Variants in DPF3 observed in about 807,000 individuals in gnomAD.
The protein encoded by DPF3 is zinc finger protein DPF3.
DPF3 carries 18 observed loss-of-function variants against 56.8 expected under a neutral mutation model. The observed-to-expected ratio is 0.32, with a 90% CI of 0.22 to 0.47. The LOEUF (loss-of-function observed/expected upper bound fraction) is 0.47. Among genes scored for constraint, DPF3 ranks in the 20% least tolerant of loss-of-function variants. The probability of loss-of-function intolerance (pLI) is 1.00; values close to 1 mark genes in which losing one functional copy is unlikely to be tolerated. For synonymous variants in DPF3, 188 were observed against 180.2 expected (o/e 1.04, Z -0.35); for missense variants, 403 against 488.8 (o/e 0.82, Z 1.65).
At chr14:72,755,734 T>C (rs1206803915) in intron 2 of DPF3, among the ~76,000 whole-genome samples, 1 of 152,188 alleles carries the variant, frequency 6.6e-6, no homozygotes, top group Admixed American at 6.5e-5. Flanking sequence ...TCTTTAGCCA[T>C]GAAGGTGGAA....
rs1884223080 is a variant in DPF3 at position 72,618,478 on chromosome 14, A to G, written c.*819T>C. Among the ~76,000 whole-genome samples the G allele has an allele frequency of 1.3e-5, 2 of 152,316 alleles. No homozygotes were observed. The highest frequency in any genetic ancestry group is 4.1e-4 in the South Asian group (2 of 4,822). On this transcript the variant is annotated 3_prime_UTR_variant, in exon 11 of 11. Transcript: ENST00000556509. ...GAGGCTTGACCGTCTTCCTCTGTCC[A>G]TAGGCCATGACTGGTCTCACCTAAA...
intron 1 of DPF3, among the ~76,000 whole-genome samples, chr14:72,800,186 A>C (rs1258931536): frequency 1.3e-5 from 2 of 152,186 alleles, no homozygotes; most frequent in African/African-American, 4.8e-5. Context: ...AGGATGGTTC[A>C]CTGTGGCTGT....
intron 1 of DPF3, among the ~76,000 whole-genome samples, chr14:72,869,856 C>A (rs1366062461): frequency 1.3e-5 from 2 of 152,112 alleles, no homozygotes; most frequent in Non-Finnish European, 2.9e-5. Context: ...AACAGGCATA[C>A]CCATGTTATC....
Position 72,611,341 on chromosome 14 carries a change from C to T in DPF3, c.*7956G>A, listed in dbSNP as rs537959546. Among the ~76,000 whole-genome samples, 3 of 152,326 alleles carry T rather than the reference C, an allele frequency of 2.0e-5. No individual in the cohort carries two copies. The South Asian group carries it at 6.2e-4, about 32-fold the overall frequency. On this transcript the variant is annotated 3_prime_UTR_variant, in exon 11 of 11. Coordinates refer to ENST00000556509, the MANE Select transcript of DPF3 (RefSeq NM_001280542.3). ...AAACAACTGAGAGTCTAAGCCAGCACGAAGCTAGGATCTGACAAGCACCTG... is the reference window on the plus strand; with the variant it reads ...AAACAACTGAGAGTCTAAGCCAGCATGAAGCTAGGATCTGACAAGCACCTG...
At chr14:72,776,827 C>T (rs1891759702) in intron 1 of DPF3, among the ~76,000 whole-genome samples, 1 of 151,780 alleles carries the variant, frequency 6.6e-6, no homozygotes, top group African/African-American at 2.4e-5. Flanking sequence ...CTGCCAGAAG[C>T]CTGCTCCCGC....
intron 3 of DPF3, among the ~76,000 whole-genome samples, chr14:72,744,610 A>G (rs149679041): frequency 8.5e-5 from 13 of 152,200 alleles, no homozygotes; most frequent in African/African-American, 3.1e-4. Flanking sequence ...ACAGCCCTCA[A>G]GATTCTTGAA....
chr14:72,640,573 G>C (rs1006137161), intron 8 of DPF3, among the ~76,000 whole-genome samples: 2 of 152,208 alleles, frequency 1.3e-5, no homozygotes, highest in Non-Finnish European at 2.9e-5. Flanking sequence ...GGAAACATTT[G>C]AGAGGTAGAA....
chr14:72,735,030 T>A (rs1889832063), intron 3 of DPF3, among the ~76,000 whole-genome samples: 1 of 152,162 alleles, frequency 6.6e-6, no homozygotes. Context: ...ACTTGCTTGA[T>A]ATCACACAGC....
intron 8 of DPF3, 102 bp from the exon 9 acceptor site, chr14:72,629,838 C>G: frequency 2.0e-6 from 2 of 989,882 alleles, no homozygotes; most frequent in South Asian, 2.8e-5. Context: ...GCAGGCAGGG[C>G]AGGGTAGCAT....
chr14:72,781,651 C>T (rs918494541), intron 1 of DPF3, among the ~76,000 whole-genome samples: 4 of 140,952 alleles, frequency 2.8e-5, no homozygotes, highest in African/African-American at 1.1e-4. Flanking sequence ...AAGGAGCTGC[C>T]AAGGACAAGA....
chr14:72,864,617 C>A (rs904677624), intron 1 of DPF3, among the ~76,000 whole-genome samples: 21 of 152,376 alleles, frequency 1.4e-4, no homozygotes, highest in Admixed American at 9.8e-4. Flanking sequence ...GAGCTTTCAG[C>A]TCTCTACCCC....
chr14:72,722,588 C>G (rs1889220555), intron 5 of DPF3, among the ~76,000 whole-genome samples: 1 of 152,172 alleles, frequency 6.6e-6, no homozygotes. Context: ...TGGCAGCAAA[C>G]CCACAGAATG....
chr14:72,700,894 C>G (rs774665215), intron 6 of DPF3, among the ~76,000 whole-genome samples: 1 of 152,230 alleles, frequency 6.6e-6, no homozygotes, highest in Non-Finnish European at 1.5e-5. Context: ...CTCAGCTGCT[C>G]TCATCACCAC....
chr14:72,612,329 A>G lies in DPF3; in HGVS notation c.*6968T>C, dbSNP rs992590924. On this transcript the variant is annotated 3_prime_UTR_variant, in exon 11 of 11. Coordinates refer to ENST00000556509, the MANE Select transcript of DPF3 (RefSeq NM_001280542.3). ...TGAGCCAGGGACGCCCTGCCTACCT[A>G]CCCCGCCTCTCTCCAGCCACCTGCT... The G allele has an allele frequency of 1.2e-5, 5 of 430,930 alleles. No individual in the cohort carries two copies. The East Asian group carries it at 2.8e-4, about 25-fold the overall frequency. The allele number at this position is 430,930 out of a possible 1,614,324, so 26.7% of individuals were successfully genotyped here.
At position 72,846,498 on chromosome 14, in the gene DPF3, G is replaced by A. The variant is rs571233846; in HGVS notation, c.32+47559C>T. Among the ~76,000 whole-genome samples the A allele has an allele frequency of 6.6e-4, 100 of 152,050 alleles. 1 individual carries two copies. Among genetic ancestry groups the A allele is most frequent in the Non-Finnish European group, 1.3e-3 (89 of 67,982 alleles). ...CTACAGGCGCCCGCCACCACGCCCG[G>A]CTAATTTTTTTGTATTTTTAGTAGA... On this transcript the variant is annotated intron_variant, in intron 1 of 10. Transcript: ENST00000556509.
intron 4 of DPF3, among the ~76,000 whole-genome samples, chr14:72,727,887 C>T (rs140838047): frequency 2.6e-5 from 4 of 152,292 alleles, no homozygotes; most frequent in Admixed American, 6.5e-5. Context: ...AATAAAAACA[C>T]GTAAACTCAT....
intron 1 of DPF3, among the ~76,000 whole-genome samples, chr14:72,780,549 C>G (rs980791259): frequency 6.6e-6 from 1 of 152,180 alleles, no homozygotes; most frequent in East Asian, 1.9e-4. Flanking sequence ...TTGGAACGTT[C>G]TAACTTTCTC....
intron 8 of DPF3, among the ~76,000 whole-genome samples, chr14:72,666,930 A>G (rs1179321732): frequency 3.9e-5 from 6 of 152,230 alleles, no homozygotes; most frequent in Admixed American, 3.3e-4. Flanking sequence ...AACAGGAGGT[A>G]TACTGGGATA....
chr14:72,866,151 T>C (rs1599507932), intron 1 of DPF3, among the ~76,000 whole-genome samples: 1 of 152,198 alleles, frequency 6.6e-6, no homozygotes, highest in African/African-American at 2.4e-5. Context: ...GATTTGATGG[T>C]AATTTAGTTT....
Sources: allele counts gnomAD v4.1 joint callset (sites outside exome capture counted in the v4.1 genomes callset), GRCh38; gene constraint gnomAD v4.1.1; transcripts MANE v1.5; gene names NCBI Gene and HGNC (gene_info 2026-07-23, HGNC 2026-07-21).